PLXNA4: variants seen among roughly 807,000 people sequenced by gnomAD.
PLXNA4 encodes the protein plexin-A4.
PLXNA4 carries 44 observed loss-of-function variants against 191.8 expected under a neutral mutation model. The observed-to-expected ratio is 0.23, with a 90% CI of 0.18 to 0.29. PLXNA4 has a LOEUF of 0.29. Among genes scored for constraint, PLXNA4 ranks in the 10% least tolerant of loss-of-function variants. PLXNA4 has a pLI of 1.00. For synonymous variants in PLXNA4, 1,082 were observed against 1,009.5 expected (o/e 1.07, Z -1.36); for missense variants, 1,800 against 2,488.8 (o/e 0.72, Z 5.89).
chr7:132,579,516 C>T (rs1442639218), upstream of PLXNA4, among the ~76,000 whole-genome samples: 1 of 143,376 alleles, frequency 7.0e-6, no homozygotes, highest in African/African-American at 2.6e-5. Context: ...GACGGGAAGT[C>T]AAAGACCTTT....
intron 3 of PLXNA4, among the ~76,000 whole-genome samples, chr7:132,474,121 G>C (rs1178541476): frequency 6.6e-6 from 1 of 151,502 alleles, no homozygotes; most frequent in East Asian, 1.9e-4. Context: ...CTGTGCAGCA[G>C]AGCCCAAATG....
At position 132,226,179 on chromosome 7, in the gene PLXNA4, T is replaced by C. The variant is rs746877578; in HGVS notation, c.1964A>G (p.Asn655Ser). 4 of 1,613,928 alleles carry C rather than the reference T, an allele frequency of 2.5e-6. No individual in the cohort carries two copies. Among genetic ancestry groups the C allele is most frequent in the South Asian group, 1.1e-5 (1 of 91,072 alleles). The change falls in exon 8 of 32, where the codon AAT (asparagine) becomes AGT (serine). Residue 655 changes from asparagine (N) to serine (S), a missense_variant. Coordinates refer to ENST00000321063, the MANE Select transcript of PLXNA4 (RefSeq NM_020911.2). ...CACTTACGAATTGTGGACGCTGCAA[T>C]TGTAGAAGACAAAGCTGGTGCTGGC... ...TFASTSFVFYNCSVHNSCLSC... is the reference protein window; with the variant it reads ...TFASTSFVFYSCSVHNSCLSC...
chr7:132,378,859 T>C (rs1478262080), intron 3 of PLXNA4, among the ~76,000 whole-genome samples: 1 of 150,342 alleles, frequency 6.7e-6, no homozygotes, highest in Non-Finnish European at 1.5e-5. Context: ...TTTTTTTTTT[T>C]TTTTTTTTGA....
At chr7:132,358,350 G>C (rs1803795616) in intron 3 of PLXNA4, among the ~76,000 whole-genome samples, 1 of 152,140 alleles carries the variant, frequency 6.6e-6, no homozygotes, top group Non-Finnish European at 1.5e-5. Context: ...ACTAACAAGT[G>C]AGCCTGAAGC....
chr7:132,216,006 TG>T (rs1797952131), intron 9 of PLXNA4, among the ~76,000 whole-genome samples: 1 of 152,194 alleles, frequency 6.6e-6, no homozygotes, highest in East Asian at 1.9e-4. Flanking sequence ...TTATAACTGG[TG>T]GGTCAGAACT....
upstream of PLXNA4, among the ~76,000 whole-genome samples, chr7:132,578,355 G>A (rs899702615): frequency 6.6e-6 from 1 of 152,146 alleles, no homozygotes; most frequent in African/African-American, 2.4e-5. Flanking sequence ...CCCTCTAAAG[G>A]AGCCCATGGC....
rs183533922 is a variant in PLXNA4, at chr7:132,302,044, C to T, written c.1372-3822G>A. 3.9e-5 allele frequency among the ~76,000 whole-genome samples: 6 copies of T among 152,284 alleles called. No individual in the cohort carries two copies. In the East Asian group the frequency reaches 1.2e-3, roughly 29 times the overall value. ...TTAGCTATTTAGATTTTCCAGAAGC[C>T]TTTGACAAGGTTCCACATGAAAAGT... On this transcript the variant is annotated intron_variant, in intron 3 of 31. Coordinates refer to ENST00000321063, the MANE Select transcript of PLXNA4 (RefSeq NM_020911.2).
At chr7:132,252,785 C>T (rs182024601) in intron 4 of PLXNA4, among the ~76,000 whole-genome samples, 20 of 152,228 alleles carry the variant, frequency 1.3e-4, no homozygotes, top group African/African-American at 4.6e-4. Context: ...TTCACTGTGG[C>T]TTTGTATGTA....
At chr7:132,612,454 A>G (rs1803068165) in intron 2 of PLXNA4, among the ~76,000 whole-genome samples, 1 of 152,100 alleles carries the variant, frequency 6.6e-6, no homozygotes. Flanking sequence ...TGAGGTCAGG[A>G]GTTCAAGACC....
intron 7 of PLXNA4, 105 bp downstream of exon 7, chr7:132,227,346 C>T: frequency 6.8e-7 from 1 of 1,474,006 alleles, no homozygotes; most frequent in East Asian, 2.4e-5. Context: ...TCCTCTGACT[C>T]TCTCCTGCCT....
rs1390254039 is a variant in PLXNA4 at position 132,145,383 on chromosome 7, G to A, written c.5056-95C>T. 3.9e-6 allele frequency: 6 copies of A among 1,544,116 alleles called. No individual in the cohort carries two copies. The East Asian group carries it at 1.2e-4, about 30-fold the overall frequency. ...CTCACAGACCTAGGCAGGGGAGGAT[G>A]GTATACAGCCCACCCTACTTGGGTA... On this transcript the variant is annotated intron_variant, in intron 28 of 31. Coordinates refer to ENST00000321063, the MANE Select transcript of PLXNA4 (RefSeq NM_020911.2).
intron 3 of PLXNA4, among the ~76,000 whole-genome samples, chr7:132,409,082 T>C (rs1355745110): frequency 6.6e-6 from 1 of 152,198 alleles, no homozygotes; most frequent in African/African-American, 2.4e-5. Flanking sequence ...TTCTAGAAGA[T>C]GCAGCTGTTC....
chr7:132,581,891 C>T (rs577386727), upstream of PLXNA4, among the ~76,000 whole-genome samples: 4 of 152,256 alleles, frequency 2.6e-5, no homozygotes, highest in African/African-American at 9.6e-5. Context: ...AAACAACAAA[C>T]AAACAAACAA....
At chr7:132,531,378 A>G (rs1408956419) in intron 1 of PLXNA4, among the ~76,000 whole-genome samples, 1 of 152,226 alleles carries the variant, frequency 6.6e-6, no homozygotes, top group Non-Finnish European at 1.5e-5. Context: ...ATAATGCACT[A>G]AGAACTCTAC....
At chr7:132,322,477 CT>C (rs1157745174) in intron 3 of PLXNA4, among the ~76,000 whole-genome samples, 2 of 152,220 alleles carry the variant, frequency 1.3e-5, no homozygotes, top group Admixed American at 6.5e-5. Flanking sequence ...GCCACCGTGC[CT>C]GGCCAGAAGG....
Position 132,123,872 on chromosome 7 carries a change from C to T in PLXNA4, c.*6607G>A, listed in dbSNP as rs1364817309. The T allele has an allele frequency of 6.6e-6, 1 of 152,364 alleles. No homozygotes were observed. Among genetic ancestry groups the T allele is most frequent in the African/African-American group, 2.4e-5 (1 of 41,472 alleles). 9.4% of individuals were successfully genotyped at this position (152,364 alleles called of 1,614,324 possible). A position where few individuals can be genotyped will look rare whatever the true frequency, so the allele number is the denominator to read the frequency against. On this transcript the variant is annotated 3_prime_UTR_variant, in exon 32 of 32. Transcript: ENST00000321063. ...CCCTTCTCTAGCATTTGAAGCTCAA[C>T]TCTGGGTCCTCTGGCTGGGCCAAAA... is the stretch of plus-strand genomic sequence containing the variant.
chr7:132,235,985 G>C (rs574169874), intron 5 of PLXNA4, among the ~76,000 whole-genome samples: 2 of 152,320 alleles, frequency 1.3e-5, no homozygotes, highest in Admixed American at 6.5e-5. Context: ...AGCTGTCATT[G>C]CCATCAGAGA....
At chr7:132,387,490 T>G (rs1805201166) in intron 3 of PLXNA4, among the ~76,000 whole-genome samples, 1 of 151,922 alleles carries the variant, frequency 6.6e-6, no homozygotes, top group Non-Finnish European at 1.5e-5. Context: ...TTTATGGGAG[T>G]TGAGTAACTG....
At chr7:132,137,293 G>C (rs1795141031) in intron 30 of PLXNA4, among the ~76,000 whole-genome samples, 1 of 152,208 alleles carries the variant, frequency 6.6e-6, no homozygotes, top group African/African-American at 2.4e-5. Context: ...CCAAACCCCT[G>C]TGGCCTGCTG....
Sources: allele counts gnomAD v4.1 joint callset (sites outside exome capture counted in the v4.1 genomes callset), GRCh38; gene constraint gnomAD v4.1.1; transcripts MANE v1.5; gene names NCBI Gene and HGNC (gene_info 2026-07-23, HGNC 2026-07-21).